The following SLC8A1 variants were observed in gnomAD, a reference collection of about 807,000 sequenced individuals.
The protein encoded by SLC8A1 is solute carrier family 8 member A1, also known as sodium/calcium exchanger 1.
Under a neutral mutation model 68.3 loss-of-function variants are expected in SLC8A1, and 18 were observed. The ratio of observed to expected loss-of-function variants is 0.26; its 90% CI spans 0.18 to 0.39. SLC8A1 has a LOEUF of 0.39. Ranked by LOEUF, SLC8A1 falls within the 10% of genes least tolerant of loss-of-function variation. SLC8A1 has a pLI of 1.00. For synonymous variants in SLC8A1, 475 were observed against 415.5 expected, an observed-to-expected ratio of 1.14 and a Z score of -1.74; for missense variants, 985 against 1,156.7, an observed-to-expected ratio of 0.85 and a Z score of 2.15.
At chr2:40,397,257 G>C (rs990277360) in intron 2 of SLC8A1, among the ~76,000 whole-genome samples, 1 of 152,100 alleles carries the variant, frequency 6.6e-6, no homozygotes, top group Non-Finnish European at 1.5e-5. Context: ...GTGTATACAT[G>C]TCATGAGCTA....
chr2:40,307,400 G>A (rs1157469784), intron 2 of SLC8A1, among the ~76,000 whole-genome samples: 2 of 152,156 alleles, frequency 1.3e-5, no homozygotes, highest in Non-Finnish European at 2.9e-5. Flanking sequence ...GAAAAGGGGA[G>A]TTGTTTAATG....
intron 7 of SLC8A1, among the ~76,000 whole-genome samples, chr2:40,132,762 A>G (rs1240926934): frequency 6.7e-6 from 1 of 148,282 alleles, no homozygotes; most frequent in Non-Finnish European, 1.5e-5. Context: ...AGCGTCAAAA[A>G]AAATAAAGGT....
At chr2:40,395,593 T>G (rs1559510745) in intron 2 of SLC8A1, among the ~76,000 whole-genome samples, 1 of 152,148 alleles carries the variant, frequency 6.6e-6, no homozygotes, top group Admixed American at 6.6e-5. Flanking sequence ...GCACAGAGGT[T>G]GACTTTAGGT....
intron 4 of SLC8A1, among the ~76,000 whole-genome samples, chr2:40,169,156 T>C (rs12993486): frequency 0.18 from 26,914 of 152,142 alleles, 3,248 homozygotes; most frequent in East Asian, 0.64. Context: ...GGTGAAGTGC[T>C]GAGAGTGGGA....
chr2:40,214,871 G>T (rs1348668196), intron 2 of SLC8A1, among the ~76,000 whole-genome samples: 3 of 152,110 alleles, frequency 2.0e-5, no homozygotes. Flanking sequence ...ATATTTGAGG[G>T]CTGTCTCATC....
At chr2:40,426,769 C>T (rs959538974) in intron 2 of SLC8A1, among the ~76,000 whole-genome samples, 3 of 151,916 alleles carry the variant, frequency 2.0e-5, no homozygotes, top group Non-Finnish European at 2.9e-5. Flanking sequence ...TTTAACAACA[C>T]GCAGTACACT....
intron 1 of SLC8A1, among the ~76,000 whole-genome samples, chr2:40,436,539 G>T (rs2149810642): frequency 6.6e-6 from 1 of 152,180 alleles, no homozygotes; most frequent in African/African-American, 2.4e-5. Flanking sequence ...CACAACCTGG[G>T]TGTGTGTCTT....
intron 1 of SLC8A1, among the ~76,000 whole-genome samples, chr2:40,508,133 A>G (rs931032870): frequency 1.3e-5 from 2 of 152,066 alleles, no homozygotes; most frequent in Non-Finnish European, 1.5e-5. Flanking sequence ...AGATTAAGGA[A>G]CTAGAGTTCT....
At chr2:40,191,945 A>G (rs1323974312) in intron 2 of SLC8A1, among the ~76,000 whole-genome samples, 1 of 152,142 alleles carries the variant, frequency 6.6e-6, no homozygotes, top group Non-Finnish European at 1.5e-5. Flanking sequence ...TCATGTAGGT[A>G]GAGAGGACCT....
chr2:40,480,540 G>T (rs1373499790), intron 1 of SLC8A1, among the ~76,000 whole-genome samples: 1 of 152,180 alleles, frequency 6.6e-6, no homozygotes, highest in African/African-American at 2.4e-5. Flanking sequence ...AATAAGTTTT[G>T]ATTGTTGATA....
intron 2 of SLC8A1, among the ~76,000 whole-genome samples, chr2:40,385,518 C>T (rs10165622): frequency 0.73 from 109,968 of 150,414 alleles, 41,672 homozygotes; most frequent in African/African-American, 0.93. Flanking sequence ...ATAATAAACA[C>T]GGGATAATGA....
chr2:40,432,509 A>G (rs958080385), intron 1 of SLC8A1, among the ~76,000 whole-genome samples: 14 of 148,974 alleles, frequency 9.4e-5, no homozygotes, highest in African/African-American at 3.0e-4. Flanking sequence ...ACACTTGAGC[A>G]AAGTCCTGAA....
chr2:40,369,183 A>C (rs1559413477), intron 2 of SLC8A1, among the ~76,000 whole-genome samples: 1 of 152,128 alleles, frequency 6.6e-6, no homozygotes, highest in Non-Finnish European at 1.5e-5. Flanking sequence ...AAAAATTGAC[A>C]AATGGGATCT....
At chr2:40,412,541 T>C (rs1023633345) in intron 2 of SLC8A1, among the ~76,000 whole-genome samples, 2 of 152,182 alleles carry the variant, frequency 1.3e-5, no homozygotes, top group African/African-American at 4.8e-5. Context: ...ACCATGGGAA[T>C]GGAGGCACTA....
chr2:40,454,723 C>A (rs908705152), upstream of SLC8A1, among the ~76,000 whole-genome samples: 2 of 152,156 alleles, frequency 1.3e-5, no homozygotes, highest in Non-Finnish European at 2.9e-5. Flanking sequence ...CCTTTCATTT[C>A]TCTTTAAAGG....
chr2:40,399,899 G>T (rs1688158679), intron 2 of SLC8A1, among the ~76,000 whole-genome samples: 1 of 152,134 alleles, frequency 6.6e-6, no homozygotes, highest in African/African-American at 2.4e-5. Context: ...AAATCCACAA[G>T]CAGACCGCCC....
intron 7 of SLC8A1, among the ~76,000 whole-genome samples, chr2:40,120,428 G>A (rs2036521799): frequency 6.6e-6 from 1 of 152,116 alleles, no homozygotes; most frequent in Non-Finnish European, 1.5e-5. Flanking sequence ...AGAGACTCTC[G>A]GCTCTTCCAA....
chr2:40,157,199 A>C (rs2044702181), intron 6 of SLC8A1, among the ~76,000 whole-genome samples: 1 of 152,176 alleles, frequency 6.6e-6, no homozygotes, highest in Admixed American at 6.5e-5. Flanking sequence ...CCTCCCAAAC[A>C]ACCAACTTTG....
intron 2 of SLC8A1, among the ~76,000 whole-genome samples, chr2:40,364,559 C>T (rs1217179161): frequency 6.6e-6 from 1 of 151,480 alleles, no homozygotes; most frequent in Non-Finnish European, 1.5e-5. Flanking sequence ...GCTCTGTTCA[C>T]ATGTCTTCAC....
Sources: gnomAD v4.1 joint callset for allele counts (sites outside exome capture counted in the v4.1 genomes callset) on GRCh38, gnomAD v4.1.1 for gene constraint, MANE v1.5 for transcripts, NCBI Gene and HGNC (gene_info 2026-07-23, HGNC 2026-07-21) for gene names.